Variants in PPP2R5E observed in about 807,000 individuals in gnomAD.
The protein encoded by PPP2R5E is protein phosphatase 2 regulatory subunit B'epsilon, also known as serine/threonine-protein phosphatase 2A 56 kDa regulatory subunit epsilon isoform.
A neutral mutation model predicts 65.3 loss-of-function variants in PPP2R5E; 4 were observed. The ratio of observed to expected loss-of-function variants is 0.06; its 90% confidence interval spans 0.03 to 0.14. The LOEUF (loss-of-function observed/expected upper bound fraction) is 0.14, where lower values mean the gene tolerates loss of function less well. PPP2R5E is among the 10% of genes least tolerant of loss of function. The probability of loss-of-function intolerance (pLI) is 1.00; values close to 1 mark genes in which losing one functional copy is unlikely to be tolerated. For synonymous variants in PPP2R5E, 183 were observed against 187.4 expected, an observed-to-expected ratio of 0.98 and a Z score of 0.19; for missense variants, 274 against 556.1, an observed-to-expected ratio of 0.49 and a Z score of 5.10.
At chr14:63,465,602 G>A (rs769860471) in intron 2 of PPP2R5E, among the ~76,000 whole-genome samples, 1 of 152,054 alleles carries the variant, frequency 6.6e-6, no homozygotes, top group African/African-American at 2.4e-5. Flanking sequence ...CTCCAGCCTC[G>A]GTGACACGGT....
intron 2 of PPP2R5E, among the ~76,000 whole-genome samples, chr14:63,500,352 G>C (rs1891805434): frequency 6.6e-6 from 1 of 152,094 alleles, no homozygotes; most frequent in Non-Finnish European, 1.5e-5. Context: ...ATACACCAAG[G>C]TGCCAAATGA....
At position 63,539,461 on chromosome 14, in the gene PPP2R5E, A is replaced by G. The variant is rs150677653; in HGVS notation, c.157+68T>C. 102 of 1,508,300 alleles carry G rather than the reference A, an allele frequency of 6.8e-5. 1 individual carries two copies. The East Asian group carries it at 1.7e-3, about 25-fold the overall frequency. 93.4% of individuals were successfully genotyped at this position (1,508,300 alleles called of 1,614,324 possible). ...TGCAACACATATAAAACTCTACAAA[A>G]AGGAAATTATATATAGATGTAGAAA... On this transcript the variant is annotated intron_variant, in intron 2 of 13. Transcript: ENST00000337537.
chr14:63,514,589 A>C (rs1189392617), intron 2 of PPP2R5E, among the ~76,000 whole-genome samples: 2 of 152,230 alleles, frequency 1.3e-5, no homozygotes, highest in Admixed American at 6.5e-5. Flanking sequence ...GCGATACTAT[A>C]GTAAGAATCA....
rs1884544629 is a variant in PPP2R5E, at chr14:63,384,512, T to C, written c.1134A>G (p.Glu378=). The part of the protein sequence containing the change: ...NNEYIMSLIE[E]NSNVILPIMF... Reference sequence around the variant, plus strand: ...TGATGGGAAGGATGACGTTAGAGTTTTCTTCTATCAAACTCATGATGTATT... The same window carrying C: ...TGATGGGAAGGATGACGTTAGAGTTCTCTTCTATCAAACTCATGATGTATT... The change falls in exon 12 of 14, where the codon GAA becomes GAG. Residue 378 remains glutamate (E), a synonymous_variant. Coordinates refer to ENST00000337537, the MANE Select transcript of PPP2R5E (RefSeq NM_006246.5). 4 of 1,613,964 alleles carry C rather than the reference T, an allele frequency of 2.5e-6. No homozygotes were observed. The highest frequency in any genetic ancestry group is 3.4e-6 in the Non-Finnish European group (4 of 1,179,900).
At chr14:63,455,440 A>G (rs1175855024) in intron 2 of PPP2R5E, among the ~76,000 whole-genome samples, 1 of 152,164 alleles carries the variant, frequency 6.6e-6, no homozygotes, top group African/African-American at 2.4e-5. Flanking sequence ...TCTCAGCAAA[A>G]ACAAGTATTG....
At chr14:63,519,754 T>C (rs1892816961) in intron 2 of PPP2R5E, among the ~76,000 whole-genome samples, 1 of 150,314 alleles carries the variant, frequency 6.7e-6, no homozygotes, top group South Asian at 2.1e-4. Flanking sequence ...TTCCGCTTCC[T>C]GGATTCAAGC....
At chr14:63,453,966 G>T in intron 2 of PPP2R5E, 81 bp from the exon 3 acceptor site, 1 of 1,110,950 alleles carries the variant, frequency 9.0e-7, no homozygotes, top group African/African-American at 1.6e-5. Context: ...TACTTCAAAG[G>T]CAAGCTAAAA....
chr14:63,530,654 T>C (rs961475869), intron 2 of PPP2R5E, among the ~76,000 whole-genome samples: 5 of 141,566 alleles, frequency 3.5e-5, no homozygotes, highest in Non-Finnish European at 6.0e-5. Context: ...TTTTTTTTTT[T>C]TGAGACACTC....
intron 5 of PPP2R5E, among the ~76,000 whole-genome samples, chr14:63,406,973 G>T (rs1886125794): frequency 6.6e-6 from 1 of 152,176 alleles, no homozygotes; most frequent in Non-Finnish European, 1.5e-5. Context: ...AAAGAAAACA[G>T]AGCTTAAGAA....
rs570587533 is a variant in PPP2R5E at position 63,422,461 on chromosome 14, T to G, written c.355-367A>C. 5.3e-3 allele frequency among the ~76,000 whole-genome samples: 811 copies of G among 152,336 alleles called. 9 individuals carry two copies. Among genetic ancestry groups the G allele is most frequent in the African/African-American group, 0.019 (775 of 41,578 alleles). Reference sequence around the variant, plus strand: ...ATAACTGCTGGCCGGGCGCAGTGGCTCACGCCTGTAATCCCAGCACTTTGG... The same window carrying G: ...ATAACTGCTGGCCGGGCGCAGTGGCGCACGCCTGTAATCCCAGCACTTTGG... On this transcript the variant is annotated intron_variant, in intron 3 of 13. Transcript: ENST00000337537.
rs1888982210 is a variant in PPP2R5E at position 63,453,806 on chromosome 14, C to T, written c.237G>A (p.Thr79=). The change falls in exon 3 of 14, where the codon ACG becomes ACA. Residue 79 remains threonine, a synonymous_variant. Coordinates refer to ENST00000337537, the MANE Select transcript of PPP2R5E (RefSeq NM_006246.5). Reference sequence around the variant, plus strand: ...ATTCTTTCATTTTAAGATCAGATAGCGTGTCCATGAAGTCAAAAATGACAC... The same window carrying T: ...ATTCTTTCATTTTAAGATCAGATAGTGTGTCCATGAAGTCAAAAATGACAC... ...QCCVIFDFMD[T]LSDLKMKEYK... 3.7e-6 allele frequency: 6 copies of T among 1,607,358 alleles called. No homozygotes were observed. Among genetic ancestry groups the T allele is most frequent in the Non-Finnish European group, 5.1e-6 (6 of 1,177,194 alleles).
chr14:63,433,165 G>A (rs1887782291), intron 3 of PPP2R5E, among the ~76,000 whole-genome samples: 1 of 150,530 alleles, frequency 6.6e-6, no homozygotes, highest in Admixed American at 6.7e-5. Flanking sequence ...AGCCCCGCAA[G>A]TAGCTGGGAC....
intron 2 of PPP2R5E, among the ~76,000 whole-genome samples, chr14:63,462,225 C>A (rs937255355): frequency 1.6e-4 from 25 of 152,116 alleles, no homozygotes; most frequent in Non-Finnish European, 7.4e-5. Flanking sequence ...CACCTGCCAC[C>A]TTGCCCGGCT....
At chr14:63,517,827 A>C (rs1892726333) in intron 2 of PPP2R5E, among the ~76,000 whole-genome samples, 1 of 152,158 alleles carries the variant, frequency 6.6e-6, no homozygotes, top group Non-Finnish European at 1.5e-5. Context: ...GCTTCACCTA[A>C]CTGCGGTTTT....
chr14:63,424,419 G>A (rs752134588), intron 3 of PPP2R5E, among the ~76,000 whole-genome samples: 28 of 152,118 alleles, frequency 1.8e-4, no homozygotes, highest in Non-Finnish European at 3.5e-4. Flanking sequence ...AAAGCCACCA[G>A]ACCAAAGGGA....
intron 10 of PPP2R5E, among the ~76,000 whole-genome samples, chr14:63,391,224 A>T (rs930319133): frequency 3.9e-5 from 6 of 152,184 alleles, no homozygotes; most frequent in African/African-American, 1.4e-4. Flanking sequence ...CACAGTGAAT[A>T]AAAAGACAGG....
chr14:63,459,215 G>A (rs1445803953), intron 2 of PPP2R5E, among the ~76,000 whole-genome samples: 2 of 152,170 alleles, frequency 1.3e-5, no homozygotes, highest in African/African-American at 4.8e-5. Flanking sequence ...ATAGACTGAA[G>A]CTAGGTACAC....
In PPP2R5E at chr14:63,422,787, TATC is replaced by T. The variant is rs1370029740; in HGVS notation, c.355-696_355-694del. Reference sequence around the variant, plus strand: ...GGTAATGGGCTTCATGTGCTTCCCTTATCAGGCTTATTCACTATTTGCAAACTT... The same window carrying T: ...GGTAATGGGCTTCATGTGCTTCCCTTAGGCTTATTCACTATTTGCAAACTT... On this transcript the variant is annotated intron_variant, in intron 3 of 13. Coordinates refer to ENST00000337537, the MANE Select transcript of PPP2R5E (RefSeq NM_006246.5). Among the ~76,000 whole-genome samples the T allele has an allele frequency of 4.0e-5, 6 of 151,038 alleles. No individual in the cohort carries two copies. In the East Asian group the frequency reaches 1.2e-3, roughly 29 times the overall value.
At chr14:63,403,519 A>C (rs1885883653) in intron 5 of PPP2R5E, among the ~76,000 whole-genome samples, 2 of 152,102 alleles carry the variant, frequency 1.3e-5, no homozygotes, top group African/African-American at 4.8e-5. Context: ...AGAAGAAGTT[A>C]AACAAGCAAA....
Sources: allele counts gnomAD v4.1 joint callset (sites outside exome capture counted in the v4.1 genomes callset), GRCh38; gene constraint gnomAD v4.1.1; transcripts MANE v1.5; gene names NCBI Gene and HGNC (gene_info 2026-07-23, HGNC 2026-07-21).